Variants in MKLN1 observed in about 807,000 individuals in gnomAD.
MKLN1 encodes the protein muskelin 1.
MKLN1 carries 18 observed loss-of-function variants against 99.0 expected under a neutral mutation model. The ratio of observed to expected loss-of-function variants is 0.18; its 90% confidence interval spans 0.13 to 0.27. The LOEUF (loss-of-function observed/expected upper bound fraction) is 0.27, where lower values mean the gene tolerates loss of function less well. Among genes scored for constraint, MKLN1 ranks in the 10% least tolerant of loss-of-function variants. MKLN1 has a pLI of 1.00. For missense variants in MKLN1, 621 were observed against 875.9 expected (o/e 0.71, Z 3.67); for synonymous variants, 288 against 293.2 (o/e 0.98, Z 0.18).
rs1256318721 is a variant in MKLN1, at chr7:131,432,196, TA to T, written c.960+3053del. Among the ~76,000 whole-genome samples the T allele has an allele frequency of 7.8e-4, 119 of 152,162 alleles. 1 individual carries two copies. The highest frequency in any genetic ancestry group is 2.0e-3 in the Admixed American group (31 of 15,270). On this transcript the variant is annotated intron_variant, in intron 9 of 17. Coordinates refer to ENST00000352689, the MANE Select transcript of MKLN1 (RefSeq NM_013255.5). ...CTCTTTAGTGAGTAAGTAGGTGAGG[TA>T]AGTTAAATGAGAAATTAATACTAGA... is the stretch of plus-strand genomic sequence containing the variant.
At chr7:131,276,976 T>C (rs1158328491) in intron 3 of MKLN1, among the ~76,000 whole-genome samples, 3 of 152,192 alleles carry the variant, frequency 2.0e-5, no homozygotes, top group Non-Finnish European at 4.4e-5. Flanking sequence ...TTCAGATTTA[T>C]GCTTTGATGA....
At chr7:131,430,349 A>C (rs911544011) in intron 9 of MKLN1, among the ~76,000 whole-genome samples, 1 of 152,096 alleles carries the variant, frequency 6.6e-6, no homozygotes, top group African/African-American at 2.4e-5. Context: ...ATTCTGATTT[A>C]CTTTTCTTAC....
chr7:131,455,932 C>T (rs1171505584), intron 12 of MKLN1, among the ~76,000 whole-genome samples: 1 of 151,956 alleles, frequency 6.6e-6, no homozygotes, highest in Non-Finnish European at 1.5e-5. Context: ...TGTTGTCCCA[C>T]CTACTCAGGA....
chr7:131,133,746 C>T (rs1438457788), intron 1 of MKLN1, among the ~76,000 whole-genome samples: 1 of 148,544 alleles, frequency 6.7e-6, no homozygotes. Context: ...CTCAGCCTTC[C>T]AAACTGCTGG....
At chr7:131,366,195 C>A (rs1339407667) in intron 1 of MKLN1, among the ~76,000 whole-genome samples, 1 of 152,068 alleles carries the variant, frequency 6.6e-6, no homozygotes, top group Non-Finnish European at 1.5e-5. Flanking sequence ...AATTAGTGAC[C>A]AAGCTCCAAA....
At chr7:131,435,092 G>T (rs1164517297) in intron 9 of MKLN1, among the ~76,000 whole-genome samples, 1 of 152,090 alleles carries the variant, frequency 6.6e-6, no homozygotes, top group Admixed American at 6.6e-5. Context: ...TTTACCAAAT[G>T]CTCTTTTTAC....
At chr7:131,113,999 G>T (rs376058070) in intron 1 of MKLN1, among the ~76,000 whole-genome samples, 2 of 152,182 alleles carry the variant, frequency 1.3e-5, no homozygotes, top group Non-Finnish European at 2.9e-5. Flanking sequence ...CCCTCAGCAC[G>T]TGGGGCTAAC....
intron 2 of MKLN1, among the ~76,000 whole-genome samples, chr7:131,200,778 T>G (rs940367445): frequency 5.3e-5 from 8 of 152,238 alleles, no homozygotes; most frequent in African/African-American, 1.9e-4. Flanking sequence ...TAAATCATAT[T>G]TTTCCACTGA....
In MKLN1 at chr7:131,226,086, G is replaced by T. The variant is rs1453088683; in HGVS notation, c.-179+23112G>T. On this transcript the variant is annotated intron_variant, in intron 3 of 7. Coordinates refer to the MKLN1 transcript ENST00000416992. ...CTTCTCATAAAGACCAGCTGCCTAG[G>T]TGACACCTTTTGCTTCTAAAACCTT... Among the ~76,000 whole-genome samples, 4 of 150,742 alleles carry T rather than the reference G, an allele frequency of 2.7e-5. No homozygotes were observed. In the South Asian group the frequency reaches 6.3e-4, roughly 24 times the overall value.
At chr7:131,389,463 AT>A (rs981951381) in intron 4 of MKLN1, among the ~76,000 whole-genome samples, 3 of 151,638 alleles carry the variant, frequency 2.0e-5, no homozygotes, top group Admixed American at 6.6e-5. Flanking sequence ...TTATTTATTT[AT>A]TTTTTTTAGT....
intron 6 of MKLN1, among the ~76,000 whole-genome samples, chr7:131,402,205 C>G (rs1163540793): frequency 6.6e-6 from 1 of 152,182 alleles, no homozygotes; most frequent in Non-Finnish European, 1.5e-5. Context: ...CAACAATGTT[C>G]ACAGCATCTT....
intron 3 of MKLN1, among the ~76,000 whole-genome samples, chr7:131,287,837 G>T (rs1252767899): frequency 1.3e-5 from 2 of 152,100 alleles, no homozygotes; most frequent in African/African-American, 4.8e-5. Flanking sequence ...TCTCGTGATA[G>T]TGAGTGAGTT....
intron 3 of MKLN1, among the ~76,000 whole-genome samples, chr7:131,262,632 C>A (rs1184036021): frequency 1.3e-5 from 2 of 151,836 alleles, no homozygotes; most frequent in Non-Finnish European, 2.9e-5. Context: ...CTCACTGCAA[C>A]CTCCACCTCC....
intron 1 of MKLN1, among the ~76,000 whole-genome samples, chr7:131,122,950 G>C (rs1795396495): frequency 6.7e-6 from 1 of 149,898 alleles, no homozygotes; most frequent in Non-Finnish European, 1.5e-5. Context: ...GTGAACCCGG[G>C]AGGCGGAGCT....
intron 3 of MKLN1, among the ~76,000 whole-genome samples, chr7:131,388,248 C>G (rs926375988): frequency 2.0e-5 from 3 of 152,136 alleles, no homozygotes; most frequent in Non-Finnish European, 4.4e-5. Flanking sequence ...AGCAAATACT[C>G]TATACTGTAT....
At chr7:131,261,656 G>T (rs1797732819) in intron 3 of MKLN1, among the ~76,000 whole-genome samples, 1 of 152,122 alleles carries the variant, frequency 6.6e-6, no homozygotes, top group Non-Finnish European at 1.5e-5. Context: ...TATACTCAAA[G>T]GAATATAAAT....
chr7:131,269,497 A>G (rs1269899322), intron 3 of MKLN1, among the ~76,000 whole-genome samples: 1 of 152,212 alleles, frequency 6.6e-6, no homozygotes, highest in Non-Finnish European at 1.5e-5. Flanking sequence ...CAAAGGCTCC[A>G]CTGCATAATT....
chr7:131,124,546 A>G (rs1228655198), intron 1 of MKLN1, among the ~76,000 whole-genome samples: 1 of 152,186 alleles, frequency 6.6e-6, no homozygotes, highest in Non-Finnish European at 1.5e-5. Flanking sequence ...CACCATTAGT[A>G]TCGGCCCCAC....
At chr7:131,320,763 G>A (rs564276758) in intron 3 of MKLN1, among the ~76,000 whole-genome samples, 22 of 152,232 alleles carry the variant, frequency 1.4e-4, no homozygotes, top group Admixed American at 1.4e-3. Flanking sequence ...AACAAAAAGT[G>A]GGCAAAGAAT....
Sources: allele counts gnomAD v4.1 joint callset (sites outside exome capture counted in the v4.1 genomes callset), GRCh38; gene constraint gnomAD v4.1.1; transcripts MANE v1.5; gene names NCBI Gene and HGNC (gene_info 2026-07-23, HGNC 2026-07-21).